TUBGCP6: variants seen among roughly 807,000 people sequenced by gnomAD.
TUBGCP6 encodes the protein gamma-tubulin complex component 6.
A neutral mutation model predicts 175.8 loss-of-function variants in TUBGCP6; 161 were observed. The ratio of observed to expected loss-of-function variants is 0.92; its 90% CI spans 0.81 to 1.04. TUBGCP6 has a LOEUF of 1.04. Ranked by LOEUF, TUBGCP6 falls within the 50% of genes least tolerant of loss-of-function variation. The pLI is 0.00. For synonymous variants in TUBGCP6, 1,173 were observed against 1,030.5 expected, an observed-to-expected ratio of 1.14 and a Z score of -2.65; for missense variants, 2,572 against 2,433.0, an observed-to-expected ratio of 1.06 and a Z score of -1.20.
At chr22:50,217,862 C>G (rs1388935546) in intron 24 of TUBGCP6, 35 bp from the exon 25 acceptor site, 1 of 1,610,892 alleles carries the variant, frequency 6.2e-7, no homozygotes, top group Non-Finnish European at 8.5e-7. Context: ...CTTTTGCCCA[C>G]AGTGTGAGCC....
In TUBGCP6 at chr22:50,218,507, G is replaced by T; in HGVS notation, c.4935C>A (p.Cys1645Ter). ...CCTCACCTGTGCGCTTGAGGTGGAAGCAGACGTCCTTGAGCGCCCACATCA... is the reference window on the plus strand; with the variant it reads ...CCTCACCTGTGCGCTTGAGGTGGAATCAGACGTCCTTGAGCGCCCACATCA... ...KLMMWALKDV[C>*]FHLKRTALLS... Residue 1645 changes from cysteine to a stop codon, truncating the protein, a stop_gained, in exon 22 of 25, where the codon TGC becomes TGA. Transcript: ENST00000248846. LOFTEE classifies it high-confidence loss of function. 6.2e-7 allele frequency: 1 copy of T among 1,613,660 alleles called. No individual in the cohort carries two copies. Among genetic ancestry groups the T allele is most frequent in the Non-Finnish European group, 8.5e-7 (1 of 1,179,964 alleles).
intron 2 of TUBGCP6, among the ~76,000 whole-genome samples, chr22:50,237,924 A>C (rs1240592554): frequency 6.6e-6 from 1 of 152,142 alleles, no homozygotes; most frequent in African/African-American, 2.4e-5. Context: ...GGAGTTCAAG[A>C]CCAGCCTGAC....
chr22:50,231,928 T>C (rs1310545564), intron 3 of TUBGCP6, among the ~76,000 whole-genome samples: 1 of 147,086 alleles, frequency 6.8e-6, no homozygotes, highest in Non-Finnish European at 1.5e-5. Flanking sequence ...AAATCAGAAA[T>C]GAAAAGTAGG....
At position 50,244,029 on chromosome 22, in the gene TUBGCP6, G is replaced by T; in HGVS notation, c.431C>A (p.Pro144Gln). ...GTCGTCGCAATCATAGCCGCTGTAC[G>T]GAACGTTTCTCCCCACATGCTTGTT... Reference protein sequence around the residue: ...LNNKHVGRNVPYSGYDCDDLS... With the variant: ...LNNKHVGRNVQYSGYDCDDLS... The change falls in exon 1 of 25, where the codon CCG becomes CAG. Residue 144 changes from proline (P) to glutamine (Q), a missense_variant. Coordinates refer to ENST00000248846, the MANE Select transcript of TUBGCP6 (RefSeq NM_020461.4). 6.2e-7 allele frequency: 1 copy of T among 1,614,098 alleles called. No homozygotes were observed. Among genetic ancestry groups the T allele is most frequent in the Non-Finnish European group, 8.5e-7 (1 of 1,180,034 alleles).
At chr22:50,219,536 G>A (rs559482123) in intron 18 of TUBGCP6, 80 bp from the exon 19 acceptor site, 1 of 1,585,368 alleles carries the variant, frequency 6.3e-7, no homozygotes, top group Non-Finnish European at 8.6e-7. Context: ...TGGAGCACGT[G>A]CTGGGAACTG....
chr22:50,226,424 G>T, intron 7 of TUBGCP6, 46 bp from the exon 8 acceptor site: 2 of 1,546,460 alleles, frequency 1.3e-6, no homozygotes, highest in South Asian at 1.2e-5. Flanking sequence ...ACGGAGAGGT[G>T]GGTGGGGCGT....
At chr22:50,243,384 C>T (rs372169149) in intron 1 of TUBGCP6, among the ~76,000 whole-genome samples, 1 of 150,436 alleles carries the variant, frequency 6.6e-6, no homozygotes, top group African/African-American at 2.5e-5. Flanking sequence ...CCCCGGGAGG[C>T]GGCGGTTACA....
rs142869643 is a variant in TUBGCP6, at chr22:50,218,051, G to C, written c.5235C>G (p.Leu1745=). 84 of 1,613,504 alleles carry C rather than the reference G, an allele frequency of 5.2e-5. No individual in the cohort carries two copies. The highest frequency in any genetic ancestry group is 6.6e-5 in the Non-Finnish European group (78 of 1,179,964). ...GGGAGATGAGCTGGCTGCGGAACTT[G>C]AGCACGAGGCTGAAGATGCTGTGGA... The part of the protein sequence containing the change: ...NVIHSIFSLV[L]KFRSQLISQA... The change falls in exon 24 of 25, where the codon CTC becomes CTG. Residue 1745 remains leucine (L), a synonymous_variant. Coordinates refer to ENST00000248846, the MANE Select transcript of TUBGCP6 (RefSeq NM_020461.4).
rs745912533 is a variant in TUBGCP6, at chr22:50,220,454, G to A, written c.3905C>T (p.Ser1302Phe). 48 of 1,612,690 alleles carry A rather than the reference G, an allele frequency of 3.0e-5. No individual in the cohort carries two copies. Among genetic ancestry groups the A allele is most frequent in the Middle Eastern group, 1.6e-4 (1 of 6,074 alleles). Residue 1302 changes from serine (S) to phenylalanine (F), a missense_variant, in exon 16 of 25, where the codon TCC (serine) becomes TTC (phenylalanine). By Grantham distance (155) the Ser-to-Phe change is radical. Coordinates refer to ENST00000248846, the MANE Select transcript of TUBGCP6 (RefSeq NM_020461.4). ...RPQQSPPGHTSQSALSLGAQS... is the reference protein window; with the variant it reads ...RPQQSPPGHTFQSALSLGAQS... Reference sequence around the variant, plus strand: ...TGCTCCCAGGCTGAGCGCTGACTGGGACGTGTGGCCAGGGGGGCTCTGTTG... The same window carrying A: ...TGCTCCCAGGCTGAGCGCTGACTGGAACGTGTGGCCAGGGGGGCTCTGTTG...
In TUBGCP6 at chr22:50,244,125, T is replaced by C. The variant is rs558467451; in HGVS notation, c.335A>G (p.Asp112Gly). 25 of 1,613,270 alleles carry C rather than the reference T, an allele frequency of 1.5e-5. No individual in the cohort carries two copies. In the African/African-American group the frequency reaches 3.1e-4, roughly 20 times the overall value. The change falls in exon 1 of 25, where the codon GAC (aspartate) becomes GGC (glycine). Residue 112 changes from aspartate to glycine, a missense_variant. Coordinates refer to ENST00000248846, the MANE Select transcript of TUBGCP6 (RefSeq NM_020461.4). The part of the protein sequence containing the change: ...CPLLEVGSVL[D>G]LLVQLAGSGP... Reference sequence around the variant, plus strand: ...ACTCCCTGCCAGCTGAACCAGGAGGTCCAAAACAGACCCCACCTCCAAAAG... The same window carrying C: ...ACTCCCTGCCAGCTGAACCAGGAGGCCCAAAACAGACCCCACCTCCAAAAG...
chr22:50,219,241 C>T, intron 19 of TUBGCP6, 32 bp from the exon 20 acceptor site: 1 of 1,610,788 alleles, frequency 6.2e-7, no homozygotes, highest in South Asian at 1.1e-5. Context: ...CAGGGCGGGC[C>T]AGGACGGGCT....
At chr22:50,225,383 C>T (rs2064590132) in intron 10 of TUBGCP6, among the ~76,000 whole-genome samples, 1 of 152,120 alleles carries the variant, frequency 6.6e-6, no homozygotes, top group Non-Finnish European at 1.5e-5. Flanking sequence ...CCCTTCCCAG[C>T]AGGAAGGGGG....
intron 2 of TUBGCP6, among the ~76,000 whole-genome samples, chr22:50,233,739 G>T (rs1227583465): frequency 2.6e-5 from 4 of 152,100 alleles, no homozygotes; most frequent in Non-Finnish European, 5.9e-5. Flanking sequence ...GATTCTATCA[G>T]GACAACTCAT....
intron 5 of TUBGCP6, 127 bp downstream of exon 5, chr22:50,227,780 C>G: frequency 3.0e-6 from 4 of 1,348,184 alleles, no homozygotes; most frequent in Non-Finnish European, 4.0e-6. Flanking sequence ...AAGGGCCATC[C>G]GGTCGCCTGC....
intron 5 of TUBGCP6, among the ~76,000 whole-genome samples, 184 bp from the exon 6 acceptor site, chr22:50,227,261 G>A (rs915756576): frequency 2.0e-5 from 3 of 151,806 alleles, no homozygotes; most frequent in African/African-American, 7.3e-5. Context: ...CTCGTGTGCA[G>A]CCCTGTGCCC....
At position 50,244,022 on chromosome 22, in the gene TUBGCP6, G is replaced by A. The variant is rs774532254; in HGVS notation, c.438C>T (p.Ser146=). The A allele has an allele frequency of 1.9e-6, 3 of 1,613,992 alleles. No homozygotes were observed. The highest frequency in any genetic ancestry group is 2.2e-5 in the East Asian group (1 of 44,898). The change falls in exon 1 of 25, where the codon AGC becomes AGT. Residue 146 remains serine (S), a synonymous_variant. Transcript: ENST00000248846. ...NKHVGRNVPY[S]GYDCDDLSVF... is the part of the protein sequence containing the mutation. ...CACTCAGGTCGTCGCAATCATAGCCGCTGTACGGAACGTTTCTCCCCACAT... is the reference window on the plus strand; with the variant it reads ...CACTCAGGTCGTCGCAATCATAGCCACTGTACGGAACGTTTCTCCCCACAT...
At position 50,221,043 on chromosome 22, in the gene TUBGCP6, T is replaced by G; in HGVS notation, c.3316A>C (p.Ile1106Leu). 1 of 1,611,376 alleles carries G rather than the reference T, an allele frequency of 6.2e-7. No homozygotes were observed. The change falls in exon 16 of 25, where the codon ATC becomes CTC. Residue 1106 changes from isoleucine to leucine, a missense_variant. By Grantham distance (5) the Ile-to-Leu change is conservative. Transcript: ENST00000248846. ...DVAPTRPRWN[I>L]HGHVSNASIR... ...CTGGCGTTGGACACATGTCCATGGA[T>G]GTTCCACCGTGGCCGAGTGGGAGCC...
Position 50,228,072 on chromosome 22 carries a change from C to T in TUBGCP6, c.1291-44G>A, listed in dbSNP as rs374788763. The T allele has an allele frequency of 4.9e-5, 73 of 1,493,746 alleles. No homozygotes were observed. The African/African-American group carries it at 6.4e-4, about 13-fold the overall frequency. 92.5% of individuals were successfully genotyped at this position (1,493,746 alleles called of 1,614,324 possible). A position where few individuals can be genotyped will look rare whatever the true frequency, so the allele number is the denominator to read the frequency against. On this transcript the variant is annotated intron_variant, in intron 4 of 24. Coordinates refer to ENST00000248846, the MANE Select transcript of TUBGCP6 (RefSeq NM_020461.4). ...GGAGGAGGGCGGCCAGGCACATGGA[C>T]GCAGCCGTGCCCAGGGCCTGAGGGG...
chr22:50,242,040 C>T (rs2064846175), intron 1 of TUBGCP6, among the ~76,000 whole-genome samples: 1 of 145,430 alleles, frequency 6.9e-6, no homozygotes, highest in Non-Finnish European at 1.5e-5. Flanking sequence ...CGCCTGTAAT[C>T]CCAGCACTTT....
Sources: gnomAD v4.1 joint callset for allele counts (sites outside exome capture counted in the v4.1 genomes callset) on GRCh38, gnomAD v4.1.1 for gene constraint, MANE v1.5 for transcripts, NCBI Gene and HGNC (gene_info 2026-07-23, HGNC 2026-07-21) for gene names.